The following RHOA variants were observed in gnomAD, a reference collection of about 807,000 sequenced individuals.
RHOA encodes the protein ras homolog family member A, also known as transforming protein RhoA.
A neutral mutation model predicts 17.5 loss-of-function variants in RHOA; 3 were observed. The ratio of observed to expected loss-of-function variants is 0.17; its 90% CI spans 0.08 to 0.44. The LOEUF is 0.44. RHOA is among the 20% of genes least tolerant of loss of function. The pLI is 0.99. For synonymous variants in RHOA, 98 were observed against 88.4 expected, an observed-to-expected ratio of 1.11 and a Z score of -0.61; for missense variants, 56 against 242.3, an observed-to-expected ratio of 0.23 and a Z score of 5.10.
At chr3:49,392,408 C>T (rs889465154) in intron 1 of RHOA, among the ~76,000 whole-genome samples, 1 of 152,162 alleles carries the variant, frequency 6.6e-6, no homozygotes, top group African/African-American at 2.4e-5. Flanking sequence ...TACCATTGCT[C>T]TCCAGCCTGG....
chr3:49,365,030 C>G (rs1294806551), intron 3 of RHOA: 1 of 152,028 alleles, frequency 6.6e-6, no homozygotes, highest in Non-Finnish European at 1.5e-5. Flanking sequence ...CCCACCTCTA[C>G]AAATGTTATT....
At chr3:49,383,749 G>A (rs2048353604) in intron 1 of RHOA, among the ~76,000 whole-genome samples, 1 of 152,176 alleles carries the variant, frequency 6.6e-6, no homozygotes, top group African/African-American at 2.4e-5. Flanking sequence ...CCCTAGTCCA[G>A]CCAGGCACGG....
Position 49,375,418 on chromosome 3 carries a change from T to G in RHOA, c.156+16A>C. The stretch of plus-strand genomic sequence containing the variant: ...ACATGGAAAATGGCATCAGTTGTTA[T>G]GAAAAGTATACTCACCTGCTTTCCA... On this transcript the variant is annotated intron_variant, in intron 2 of 4. Coordinates refer to ENST00000418115, the MANE Select transcript of RHOA (RefSeq NM_001664.4). 6.3e-7 allele frequency: 1 copy of G among 1,595,878 alleles called. No individual in the cohort carries two copies. Among genetic ancestry groups the G allele is most frequent in the East Asian group, 2.2e-5 (1 of 44,534 alleles).
intron 1 of RHOA, among the ~76,000 whole-genome samples, chr3:49,407,772 C>T (rs1332085630): frequency 6.6e-6 from 1 of 152,068 alleles, no homozygotes; most frequent in Non-Finnish European, 1.5e-5. Flanking sequence ...CTCTTTTTAC[C>T]TCCAACTTTT....
intron 4 of RHOA, among the ~76,000 whole-genome samples, chr3:49,362,265 C>T (rs1194501621): frequency 6.6e-6 from 1 of 152,140 alleles, no homozygotes; most frequent in East Asian, 1.9e-4. Context: ...GCCAGCAGTC[C>T]TTATGGGCAT....
chr3:49,367,360 A>AAAAAAAAAAAAAAAAAAAAAAAAAC (rs2048075203), intron 3 of RHOA, among the ~76,000 whole-genome samples: 1 of 135,592 alleles, frequency 7.4e-6, no homozygotes, highest in African/African-American at 2.7e-5. Flanking sequence ...AAAAAAAAAA[A>AAAAAAAAAAAAAAAAAAAAAAAAAC]AAAAAAGAAT....
At chr3:49,373,555 G>A (rs981737642) in intron 2 of RHOA, among the ~76,000 whole-genome samples, 4 of 152,166 alleles carry the variant, frequency 2.6e-5, no homozygotes, top group Admixed American at 1.3e-4. Flanking sequence ...GCTGGCTTGC[G>A]CCTGTAAGCC....
intron 1 of RHOA, among the ~76,000 whole-genome samples, chr3:49,385,306 C>T (rs1270003981): frequency 3.3e-5 from 5 of 150,818 alleles, no homozygotes; most frequent in African/African-American, 1.2e-4. Context: ...CTGCAACCTC[C>T]GCCTCCCAGG....
At chr3:49,396,986 C>T (rs890298086) in intron 1 of RHOA, among the ~76,000 whole-genome samples, 1 of 151,732 alleles carries the variant, frequency 6.6e-6, no homozygotes, top group Non-Finnish European at 1.5e-5. Flanking sequence ...AAATATTACC[C>T]AGGCGTGGTA....
At chr3:49,364,712 C>T (rs1215491876) in intron 3 of RHOA, among the ~76,000 whole-genome samples, 1 of 151,988 alleles carries the variant, frequency 6.6e-6, no homozygotes, top group Non-Finnish European at 1.5e-5. Flanking sequence ...GGTGCAGTGG[C>T]TCATCAGGCC....
chr3:49,410,918 TA>T (rs532544906), intron 1 of RHOA, among the ~76,000 whole-genome samples: 2 of 152,226 alleles, frequency 1.3e-5, no homozygotes, highest in African/African-American at 4.8e-5. Context: ...AACTTTGAGG[TA>T]AAAAGGATTC....
intron 1 of RHOA, among the ~76,000 whole-genome samples, chr3:49,387,158 A>AAAC (rs2048411255): frequency 1.1e-5 from 1 of 93,796 alleles, no homozygotes; most frequent in Non-Finnish European, 2.0e-5. Context: ...AAAAAAAAAA[A>AAAC]AACAGGCCGG....
chr3:49,385,240 A>C (rs1453676412), intron 1 of RHOA, among the ~76,000 whole-genome samples: 3 of 139,032 alleles, frequency 2.2e-5, no homozygotes, highest in Non-Finnish European at 3.1e-5. Context: ...TTTTTTTCTG[A>C]GACAGAGTCT....
intron 2 of RHOA, among the ~76,000 whole-genome samples, chr3:49,374,975 T>C (rs993618005): frequency 6.6e-6 from 1 of 151,564 alleles, no homozygotes; most frequent in African/African-American, 2.4e-5. Flanking sequence ...GAGAATCCTT[T>C]AAACCTGGGG....
chr3:49,404,666 C>T (rs1463000719), intron 1 of RHOA, among the ~76,000 whole-genome samples: 1 of 145,012 alleles, frequency 6.9e-6, no homozygotes, highest in African/African-American at 2.6e-5. Context: ...CGGTGGCTCA[C>T]GGCTGTAATC....
chr3:49,399,054 CAAAAAAAAAAAAAA>C (rs10530558), intron 1 of RHOA, among the ~76,000 whole-genome samples: 288 of 24,838 alleles, frequency 0.012, 2 homozygotes, highest in Admixed American at 0.026. Context: ...GACTCCGTCT[CAAAAAAAAAAAAAA>C]AAAAAAAAAA....
At chr3:49,377,776 A>C (rs963703272) in intron 1 of RHOA, among the ~76,000 whole-genome samples, 2 of 151,638 alleles carry the variant, frequency 1.3e-5, no homozygotes, top group African/African-American at 4.8e-5. Flanking sequence ...CTTGTCTCAA[A>C]CTCTTATGAC....
At chr3:49,369,966 C>G (rs2048125100) in intron 2 of RHOA, among the ~76,000 whole-genome samples, 1 of 152,024 alleles carries the variant, frequency 6.6e-6, no homozygotes, top group South Asian at 2.1e-4. Flanking sequence ...ACTCAGGAGG[C>G]TGAGGCAGGA....
Position 49,359,854 on chromosome 3 carries a change from T to C in RHOA, c.*355A>G, listed in dbSNP as rs946125121. ...AGAGTACCTTGCAGCTGACAGATAA[T>C]AGGCAGGACATGTTAGTTATAAAGT... On this transcript the variant is annotated 3_prime_UTR_variant, in exon 5 of 5. Transcript: ENST00000418115. 1.5e-5 allele frequency: 4 copies of C among 262,984 alleles called. No individual in the cohort carries two copies. In the East Asian group the frequency reaches 1.7e-4, roughly 11 times the overall value. The allele number at this position is 262,984 out of a possible 1,614,324, so 16.3% of individuals were successfully genotyped here.
Sources: allele counts gnomAD v4.1 joint callset (sites outside exome capture counted in the v4.1 genomes callset), GRCh38; gene constraint gnomAD v4.1.1; transcripts MANE v1.5; gene names NCBI Gene and HGNC (gene_info 2026-07-23, HGNC 2026-07-21).